The following RAVER2 variants were observed in gnomAD, a reference collection of about 807,000 sequenced individuals.
RAVER2 encodes ribonucleoprotein PTB-binding 2.
RAVER2 carries 46 observed loss-of-function variants against 78.1 expected under a neutral mutation model. The ratio of observed to expected loss-of-function variants is 0.59; its 90% confidence interval spans 0.46 to 0.75. RAVER2 has a LOEUF of 0.75. RAVER2 is among the 30% of genes least tolerant of loss of function. The probability of loss-of-function intolerance (pLI) is 0.00; values close to 1 mark genes in which losing one functional copy is unlikely to be tolerated. For synonymous variants in RAVER2, 311 were observed against 313.3 expected (o/e 0.99, Z 0.08); for missense variants, 793 against 837.5 (o/e 0.95, Z 0.66).
At chr1:64,831,273 G>A (rs574845152) in exon 12 of RAVER2, 2 of 226,916 alleles carry the variant, frequency 8.8e-6, no homozygotes, top group East Asian at 1.8e-4. Context: ...TTAGGACTGG[G>A]AATAATTCTG....
At position 64,745,515 on chromosome 1, in the gene RAVER2, T is replaced by C; in HGVS notation, c.249+94T>C. The C allele has an allele frequency of 1.5e-6, 2 of 1,345,862 alleles. No individual in the cohort carries two copies. Among genetic ancestry groups the C allele is most frequent in the Non-Finnish European group, 1.9e-6 (2 of 1,031,490 alleles). 83.4% of individuals were successfully genotyped at this position (1,345,862 alleles called of 1,614,324 possible). A position where few individuals can be genotyped will look rare whatever the true frequency, so the allele number is the denominator to read the frequency against. ...GATCGGGGGCGCCTCAGAGCGGTCC[T>C]GGGGAGTGGGTCGGCGCCGAGTGGT... On this transcript the variant is annotated intron_variant, in intron 1 of 11. Transcript: ENST00000294428. The surrounding 1 kb of genome is among the most constrained non-coding windows in gnomAD (Gnocchi z 4.3).
intron 10 of RAVER2, 119 bp downstream of exon 10, chr1:64,812,968 A>G: frequency 1.8e-6 from 1 of 560,600 alleles, no homozygotes; most frequent in Non-Finnish European, 2.9e-6. Context: ...ATTAAGGCCT[A>G]AATTATTCTT....
intron 11 of RAVER2, among the ~76,000 whole-genome samples, chr1:64,819,500 A>G (rs550779521): frequency 3.3e-5 from 5 of 152,316 alleles, no homozygotes; most frequent in African/African-American, 1.2e-4. Flanking sequence ...GAAAATATCA[A>G]GCAGTCTAAA....
intron 10 of RAVER2, among the ~76,000 whole-genome samples, chr1:64,813,828 G>GACACACACACAC (rs10566575): frequency 2.1e-5 from 3 of 145,898 alleles, no homozygotes; most frequent in Admixed American, 6.9e-5. Context: ...TTAGAGACTA[G>GACACACACACAC]ACACACACAC....
chr1:64,828,435 C>A (rs1362667213), intron 11 of RAVER2, among the ~76,000 whole-genome samples: 1 of 152,022 alleles, frequency 6.6e-6, no homozygotes, highest in Non-Finnish European at 1.5e-5. Context: ...TATTTGCTAA[C>A]TTTATATTCT....
At chr1:64,754,082 G>A (rs1000212923) in intron 1 of RAVER2, among the ~76,000 whole-genome samples, 2 of 151,968 alleles carry the variant, frequency 1.3e-5, no homozygotes, top group African/African-American at 4.8e-5. Context: ...GCCTACCATT[G>A]CCAGGCACCA....
chr1:64,830,193 G>C (rs1047564121), intron 11 of RAVER2, among the ~76,000 whole-genome samples: 1 of 152,176 alleles, frequency 6.6e-6, no homozygotes, highest in Non-Finnish European at 1.5e-5. Flanking sequence ...TACACCATCT[G>C]ATTTACTGTG....
intron 11 of RAVER2, among the ~76,000 whole-genome samples, chr1:64,825,816 G>A (rs539908397): frequency 1.3e-5 from 2 of 151,786 alleles, no homozygotes; most frequent in Admixed American, 6.6e-5. Context: ...AAAATAAAAA[G>A]ATTTGCTTTA....
chr1:64,811,740 T>C (rs1310941489), intron 9 of RAVER2, among the ~76,000 whole-genome samples: 1 of 152,218 alleles, frequency 6.6e-6, no homozygotes, highest in African/African-American at 2.4e-5. Context: ...GGCTTCTAGT[T>C]AACAGTAGGC....
chr1:64,801,971 T>A (rs1041819006), intron 5 of RAVER2, among the ~76,000 whole-genome samples: 1 of 152,254 alleles, frequency 6.6e-6, no homozygotes, highest in Non-Finnish European at 1.5e-5. Context: ...CTTGATTATG[T>A]GCTAAACAAG....
At position 64,771,844 on chromosome 1, in the gene RAVER2, C is replaced by T. The variant is rs948252888; in HGVS notation, c.316+3122C>T. ...GGATTTTGGAACCTATAGTGGTGTTCGTGGAAACAGATATAATTAATAACT... is the reference window on the plus strand; with the variant it reads ...GGATTTTGGAACCTATAGTGGTGTTTGTGGAAACAGATATAATTAATAACT... On this transcript the variant is annotated intron_variant, in intron 2 of 11. Transcript: ENST00000294428. 1.4e-4 allele frequency among the ~76,000 whole-genome samples: 21 copies of T among 150,260 alleles called. No individual in the cohort carries two copies. In the East Asian group the frequency reaches 3.7e-3, roughly 27 times the overall value.
chr1:64,813,273 A>C (rs1383417550), intron 10 of RAVER2, among the ~76,000 whole-genome samples: 1 of 152,256 alleles, frequency 6.6e-6, no homozygotes, highest in Non-Finnish European at 1.5e-5. Context: ...TGCTCCAGGC[A>C]CAAGGATGTT....
chr1:64,810,978 A>G (rs1653586941), intron 9 of RAVER2, among the ~76,000 whole-genome samples: 1 of 152,232 alleles, frequency 6.6e-6, no homozygotes, highest in African/African-American at 2.4e-5. Flanking sequence ...AGAAAAAGTT[A>G]TATATGTCAT....
At chr1:64,768,121 C>G (rs1652222123) in intron 1 of RAVER2, among the ~76,000 whole-genome samples, 1 of 151,744 alleles carries the variant, frequency 6.6e-6, no homozygotes, top group Non-Finnish European at 1.5e-5. Context: ...TACGTTTGTG[C>G]TCTAAGCATC....
chr1:64,817,552 ACC>A (rs1653784141), intron 11 of RAVER2, among the ~76,000 whole-genome samples: 1 of 152,208 alleles, frequency 6.6e-6, no homozygotes, highest in African/African-American at 2.4e-5. Context: ...GCACATATGC[ACC>A]ATGGAATACT....
chr1:64,767,316 A>G (rs1652201174), intron 1 of RAVER2, among the ~76,000 whole-genome samples: 1 of 152,038 alleles, frequency 6.6e-6, no homozygotes, highest in Non-Finnish European at 1.5e-5. Context: ...TTTTAAAGTT[A>G]ATGCTGGAAT....
At chr1:64,823,511 A>G (rs960683209) in intron 11 of RAVER2, among the ~76,000 whole-genome samples, 1 of 152,210 alleles carries the variant, frequency 6.6e-6, no homozygotes, top group African/African-American at 2.4e-5. Flanking sequence ...GTCAATATGA[A>G]TGTACAAATT....
Position 64,804,840 on chromosome 1 carries a change from T to C in RAVER2, c.1296+2T>C. Reference sequence around the variant, plus strand: ...TTTGAGAATATTCATACTAATAATGTAAGTATGGTATCATTTTTTCTTTTA... The same window carrying C: ...TTTGAGAATATTCATACTAATAATGCAAGTATGGTATCATTTTTTCTTTTA... On this transcript the variant is annotated splice_donor_variant, in intron 7 of 11. Coordinates refer to ENST00000294428, the Ensembl canonical transcript of RAVER2. LOFTEE classifies it high-confidence loss of function. 2 of 1,535,134 alleles carry C rather than the reference T, an allele frequency of 1.3e-6. No homozygotes were observed. The highest frequency in any genetic ancestry group is 1.8e-6 in the Non-Finnish European group (2 of 1,111,874).
Position 64,812,779 on chromosome 1 carries a change from A to G in RAVER2, c.1722A>G (p.Pro574=), listed in dbSNP as rs371230238. 4.5e-5 allele frequency: 73 copies of G among 1,612,600 alleles called. 1 individual carries two copies. Among genetic ancestry groups the G allele is most frequent in the Non-Finnish European group, 8.5e-7 (1 of 1,179,364 alleles). ...AAACTTCACTCTTGGGAGAACCACC[A>G]AAAGAAATTCGGCTCAGTAAAAATC... The change falls in exon 10 of 12, where the codon CCA becomes CCG. Residue 574 remains proline (P), a synonymous_variant. Coordinates refer to ENST00000294428, the Ensembl canonical transcript of RAVER2.
Sources: allele counts gnomAD v4.1 joint callset (sites outside exome capture counted in the v4.1 genomes callset), GRCh38; gene constraint gnomAD v4.1.1; non-coding constraint Gnocchi (gnomAD v3.1); transcripts MANE v1.5; gene names NCBI Gene and HGNC (gene_info 2026-07-23, HGNC 2026-07-21).